The following CBX3 variants were observed in gnomAD, a reference collection of about 807,000 sequenced individuals.
CBX3 encodes the protein chromobox 3, also known as chromobox protein homolog 3.
In CBX3, 5 loss-of-function variants were observed where a neutral mutation model predicts 22.6. That is an observed-to-expected ratio of 0.22 (90% CI 0.12 to 0.47). CBX3 has a LOEUF of 0.47. CBX3 is among the 20% of genes least tolerant of loss of function. The pLI is 0.99. For synonymous variants in CBX3, 50 were observed against 66.6 expected (o/e 0.75, Z 1.21); for missense variants, 83 against 208.1 (o/e 0.40, Z 3.70).
chr7:26,208,364 C>CTTTT, intron 3 of CBX3, 29 bp from the exon 4 acceptor site: 1 of 1,178,974 alleles, frequency 8.5e-7, no homozygotes, highest in Non-Finnish European at 1.2e-6. Context: ...ATTCAATCAC[C>CTTTT]TTTTTTTTTT....
intron 2 of CBX3, among the ~76,000 whole-genome samples, chr7:26,203,517 A>G (rs1310361882): frequency 6.6e-6 from 1 of 151,990 alleles, no homozygotes; most frequent in African/African-American, 2.4e-5. Context: ...AAAACATAGA[A>G]GAATATTAAG....
rs747704314 is a variant in CBX3, at chr7:26,212,100, A to T, written c.444A>T (p.Ala148=). Residue 148 remains alanine (A), a synonymous_variant, in exon 6 of 6, where the codon GCA becomes GCT. Coordinates refer to ENST00000396386, the MANE Select transcript of CBX3 (RefSeq NM_016587.4). ...FLMKWKDSDE[A]DLVLAKEANM... is the part of the protein sequence containing the mutation. ...AAAACAGGAAAGATTCAGATGAGGC[A>T]GACTTGGTGCTGGCGAAAGAGGCAA... The T allele has an allele frequency of 6.3e-7, 1 of 1,583,204 alleles. No individual in the cohort carries two copies. The highest frequency in any genetic ancestry group is 8.6e-7 in the Non-Finnish European group (1 of 1,168,392).
intron 3 of CBX3, among the ~76,000 whole-genome samples, chr7:26,207,388 A>G (rs1275095469): frequency 6.6e-6 from 1 of 152,266 alleles, no homozygotes; most frequent in Non-Finnish European, 1.5e-5. Flanking sequence ...CCCATGAAAC[A>G]TGAAAAATTA....
chr7:26,208,306 C>A (rs79898568), intron 3 of CBX3, 87 bp from the exon 4 acceptor site: 4 of 1,093,520 alleles, frequency 3.7e-6, no homozygotes, highest in Middle Eastern at 2.4e-4. Flanking sequence ...TTTATTCCCC[C>A]GGGTGTCTAT....
intron 3 of CBX3, among the ~76,000 whole-genome samples, 158 bp downstream of exon 3, chr7:26,206,668 A>C (rs1475276648): frequency 6.6e-6 from 1 of 152,258 alleles, no homozygotes; most frequent in Non-Finnish European, 1.5e-5. Flanking sequence ...CTATTTCAAA[A>C]GAACCAAGAC....
At chr7:26,209,558 A>G (rs1784759403) in intron 4 of CBX3, among the ~76,000 whole-genome samples, 1 of 152,366 alleles carries the variant, frequency 6.6e-6, no homozygotes, top group South Asian at 2.1e-4. Flanking sequence ...AAGTACTTGC[A>G]TGTCATCTTT....
chr7:26,209,969 GTTT>G (rs1784767811), intron 4 of CBX3: 1 of 152,120 alleles, frequency 6.6e-6, no homozygotes, highest in Non-Finnish European at 1.5e-5. Context: ...TACAAATTTG[GTTT>G]TGAAAATAAA....
chr7:26,202,783 C>G (rs1015752619), intron 1 of CBX3, 188 bp from the exon 2 acceptor site: 5 of 565,912 alleles, frequency 8.8e-6, no homozygotes, highest in Non-Finnish European at 1.6e-5. Flanking sequence ...TTTCTAGACT[C>G]ACATGGTTAG....
At chr7:26,207,364 CCTT>C (rs1169543481) in intron 3 of CBX3, among the ~76,000 whole-genome samples, 3 of 152,094 alleles carry the variant, frequency 2.0e-5, no homozygotes, top group East Asian at 1.9e-4. Flanking sequence ...GTCGTAAGTC[CCTT>C]CTTTATTAAG....
At chr7:26,209,891 CTT>C (rs1477153183) in intron 4 of CBX3, 1 of 152,136 alleles carries the variant, frequency 6.6e-6, no homozygotes, top group African/African-American at 2.4e-5. Context: ...CAAGTACAAC[CTT>C]CAAGACAACT....
At chr7:26,211,963 A>G (rs1044708377) in intron 5 of CBX3, 119 bp from the exon 6 acceptor site, 2 of 969,560 alleles carry the variant, frequency 2.1e-6, no homozygotes, top group African/African-American at 1.7e-5. Context: ...AACAAGTAAC[A>G]TAACTCTCCT....
chr7:26,206,288 TAATATAAGC>T, intron 2 of CBX3, 71 bp from the exon 3 acceptor site: 1 of 874,322 alleles, frequency 1.1e-6, no homozygotes, highest in South Asian at 1.7e-5. Context: ...AATGTGATAA[TAATATAAGC>T]AATTGAGCCT....
intron 2 of CBX3, among the ~76,000 whole-genome samples, chr7:26,204,427 T>A (rs1284383084): frequency 1.3e-5 from 2 of 152,198 alleles, no homozygotes; most frequent in African/African-American, 4.8e-5. Context: ...TACTGTACAG[T>A]GGCAGAAAGC....
chr7:26,205,365 A>G (rs1685942749), intron 2 of CBX3, among the ~76,000 whole-genome samples: 1 of 152,234 alleles, frequency 6.6e-6, no homozygotes, highest in Admixed American at 6.5e-5. Context: ...CCAGGAAGGA[A>G]GGATTTTTTT....
At chr7:26,208,744 C>G (rs1784737862) in intron 4 of CBX3, among the ~76,000 whole-genome samples, 189 bp downstream of exon 4, 1 of 151,704 alleles carries the variant, frequency 6.6e-6, no homozygotes, top group Non-Finnish European at 1.5e-5. Context: ...CTGAGCCTCC[C>G]AAGTAGCTGG....
rs1784860058 is a variant in CBX3 at position 26,213,431 on chromosome 7, T to C, written c.*1223T>C. The C allele has an allele frequency of 6.6e-6, 1 of 152,380 alleles. No homozygotes were observed. The allele number at this position is 152,380 out of a possible 1,614,324, so 9.4% of individuals were successfully genotyped here. On this transcript the variant is annotated 3_prime_UTR_variant, in exon 6 of 6. Transcript: ENST00000396386. ...ATGCCCACACTCATTGGATTATCTT[T>C]GTTTATAAGTTAGATGATACCAGTA...
chr7:26,202,519 T>C (rs908719370), intron 1 of CBX3: 3 of 154,070 alleles, frequency 1.9e-5, no homozygotes, highest in African/African-American at 7.2e-5. Flanking sequence ...TTCCTTTTGT[T>C]ATTTAATTAC....
chr7:26,206,890 G>T (rs565626917), intron 3 of CBX3, among the ~76,000 whole-genome samples: 150 of 152,248 alleles, frequency 9.9e-4, no homozygotes, highest in Admixed American at 4.1e-3. Context: ...TCTCATACAG[G>T]ATTACATATA....
intron 2 of CBX3, among the ~76,000 whole-genome samples, chr7:26,205,297 A>T (rs1475033943): frequency 6.6e-6 from 1 of 152,202 alleles, no homozygotes; most frequent in East Asian, 1.9e-4. Flanking sequence ...GTGTCATACC[A>T]AAGAAAATGC....
Sources: allele counts gnomAD v4.1 joint callset (sites outside exome capture counted in the v4.1 genomes callset), GRCh38; gene constraint gnomAD v4.1.1; transcripts MANE v1.5; gene names NCBI Gene and HGNC (gene_info 2026-07-23, HGNC 2026-07-21).